AGGF1: variants seen among roughly 807,000 people sequenced by gnomAD.
The protein encoded by AGGF1 is angiogenic factor with G patch and FHA domains 1.
Under a neutral mutation model 86.5 loss-of-function variants are expected in AGGF1, and 56 were observed. The ratio of observed to expected loss-of-function variants is 0.65; its 90% confidence interval spans 0.52 to 0.81. The LOEUF is 0.81. AGGF1 is among the 30% of genes least tolerant of loss of function. AGGF1 has a pLI of 0.00. For missense variants in AGGF1, 816 were observed against 850.9 expected (o/e 0.96, Z 0.51); for synonymous variants, 313 against 297.1 (o/e 1.05, Z -0.55).
intron 1 of AGGF1, among the ~76,000 whole-genome samples, chr5:77,033,573 C>T (rs1477301362): frequency 6.6e-6 from 1 of 152,180 alleles, no homozygotes; most frequent in African/African-American, 2.4e-5. Context: ...AGAGGAGCGC[C>T]TCAGATTTTT....
intron 7 of AGGF1, 69 bp downstream of exon 7, chr5:77,048,341 TTTTG>T (rs942908564): frequency 3.7e-5 from 48 of 1,304,178 alleles, no homozygotes; most frequent in Admixed American, 3.4e-4. Context: ...GAGCATGTAT[TTTTG>T]TTTGTTTGTT....
Position 77,030,473 on chromosome 5 carries a change from C to T in AGGF1, c.-294C>T, listed in dbSNP as rs567316180. The T allele has an allele frequency of 6.1e-4, 365 of 603,258 alleles. 2 individuals carry two copies. The highest frequency in any genetic ancestry group is 5.1e-3 in the African/African-American group (282 of 54,920). 37.4% of individuals were successfully genotyped at this position (603,258 alleles called of 1,614,324 possible). On this transcript the variant is annotated 5_prime_UTR_variant, in exon 1 of 14. Coordinates refer to ENST00000312916, the MANE Select transcript of AGGF1 (RefSeq NM_018046.5). Reference sequence around the variant, plus strand: ...GCCTCTGGTTTTCCGACTGCTTATCCGACGCTCCTCCCTCTGTCTCTGTAG... The same window carrying T: ...GCCTCTGGTTTTCCGACTGCTTATCTGACGCTCCTCCCTCTGTCTCTGTAG...
intron 4 of AGGF1, among the ~76,000 whole-genome samples, chr5:77,038,944 G>A (rs1345243204): frequency 6.6e-6 from 1 of 152,100 alleles, no homozygotes; most frequent in Admixed American, 6.5e-5. Flanking sequence ...TGATTAATTA[G>A]TGGAGACAGT....
chr5:77,053,843 A>G (rs1173195532), intron 9 of AGGF1, 122 bp from the exon 10 acceptor site: 12 of 1,016,834 alleles, frequency 1.2e-5, no homozygotes, highest in East Asian at 2.6e-5. Context: ...GTATGTGTCT[A>G]TTTCATTTAT....
intron 6 of AGGF1, among the ~76,000 whole-genome samples, chr5:77,047,856 TTAAAA>T (rs959728353): frequency 2.0e-5 from 3 of 151,134 alleles, no homozygotes; most frequent in African/African-American, 7.3e-5. Flanking sequence ...TTTTTATAAC[TTAAAA>T]TAATATAAAA....
At chr5:77,049,417 T>G (rs1747329922) in intron 8 of AGGF1, among the ~76,000 whole-genome samples, 1 of 152,192 alleles carries the variant, frequency 6.6e-6, no homozygotes, top group East Asian at 1.9e-4. Flanking sequence ...AAACTTCTCC[T>G]AATTGAGCAT....
In AGGF1 at chr5:77,064,244, G is replaced by A. The variant is rs1742744651; in HGVS notation, c.*992G>A. 3 of 152,524 alleles carry A rather than the reference G, an allele frequency of 2.0e-5. No homozygotes were observed. The highest frequency in any genetic ancestry group is 2.9e-5 in the Non-Finnish European group (2 of 68,040). The allele number at this position is 152,524 out of a possible 1,614,324, so 9.4% of individuals were successfully genotyped here. On this transcript the variant is annotated 3_prime_UTR_variant, in exon 14 of 14. Transcript: ENST00000312916. Reference sequence around the variant, plus strand: ...GCAGTGCGGCTTTCTGGGCACAGGTGTCACTGCTCTGCCACCTATCACTAT... The same window carrying A: ...GCAGTGCGGCTTTCTGGGCACAGGTATCACTGCTCTGCCACCTATCACTAT...
At chr5:77,039,373 G>A (rs1404181948) in intron 4 of AGGF1, among the ~76,000 whole-genome samples, 158 bp from the exon 5 acceptor site, 2 of 152,098 alleles carry the variant, frequency 1.3e-5, no homozygotes, top group Non-Finnish European at 1.5e-5. Context: ...TATTTTGGAA[G>A]ATTAAAGCAT....
Position 77,048,973 on chromosome 5 carries a change from G to C in AGGF1, c.1351G>C (p.Val451Leu), listed in dbSNP as rs1348001299. 1.2e-6 allele frequency: 2 copies of C among 1,613,630 alleles called. No individual in the cohort carries two copies. The highest frequency in any genetic ancestry group is 2.7e-5 in the African/African-American group (2 of 74,914). ...GGAACATACTCTCCGAATCCCTGAAGTTGGTGTCAGTAAGGTAAGCTCTTT... is the reference window on the plus strand; with the variant it reads ...GGAACATACTCTCCGAATCCCTGAACTTGGTGTCAGTAAGGTAAGCTCTTT... ...DMEHTLRIPE[V>L]GVSKFHAEIY... Residue 451 changes from valine to leucine, a missense_variant, in exon 8 of 14, where the codon GTT becomes CTT. By Grantham distance (32) the Val-to-Leu change is conservative. This residue lies in a region of AGGF1 where 565 missense variants were observed against 585.8 expected (regional missense o/e 0.96). Transcript: ENST00000312916.
At position 77,063,400 on chromosome 5, in the gene AGGF1, T is replaced by A; in HGVS notation, c.*148T>A. The stretch of plus-strand genomic sequence containing the variant: ...AGAAATGTGTATGGTTTGCAGCTTT[T>A]AAAAACCATTTTTTTAAAACTAATA... On this transcript the variant is annotated 3_prime_UTR_variant, in exon 14 of 14. Transcript: ENST00000312916. The A allele has an allele frequency of 1.1e-6, 1 of 883,010 alleles. No homozygotes were observed. The allele number at this position is 883,010 out of a possible 1,614,324, so 54.7% of individuals were successfully genotyped here.
intron 2 of AGGF1, 134 bp downstream of exon 2, chr5:77,034,654 T>A: frequency 1.4e-6 from 1 of 691,266 alleles, no homozygotes. Flanking sequence ...TCTCTCCATA[T>A]GATAATGGTA....
intron 4 of AGGF1, 128 bp downstream of exon 4, chr5:77,036,848 AT>A (rs1459001091): frequency 3.0e-6 from 3 of 994,628 alleles, no homozygotes; most frequent in Non-Finnish European, 4.6e-6. Context: ...AGTGATTCTT[AT>A]GTCTCAGCAT....
rs1450359635 is a variant in AGGF1 at position 77,064,860 on chromosome 5, A to G, written c.*1608A>G. On this transcript the variant is annotated 3_prime_UTR_variant, in exon 14 of 14. Transcript: ENST00000312916. ...GGGTTAGTATATGACTGTCTATAATATTTTCCATTTGTATTATTATATTGG... is the reference window on the plus strand; with the variant it reads ...GGGTTAGTATATGACTGTCTATAATGTTTTCCATTTGTATTATTATATTGG... 6.6e-6 allele frequency: 1 copy of G among 151,988 alleles called. No homozygotes were observed. The highest frequency in any genetic ancestry group is 1.5e-5 in the Non-Finnish European group (1 of 67,976). 9.4% of individuals were successfully genotyped at this position (151,988 alleles called of 1,614,324 possible). A position where few individuals can be genotyped will look rare whatever the true frequency, so the allele number is the denominator to read the frequency against.
Position 77,061,811 on chromosome 5 carries a change from T to C in AGGF1, c.1944+9T>C, listed in dbSNP as rs1167652366. The C allele has an allele frequency of 2.5e-6, 4 of 1,604,916 alleles. No individual in the cohort carries two copies. The highest frequency in any genetic ancestry group is 3.4e-6 in the Non-Finnish European group (4 of 1,171,926). On this transcript the variant is annotated intron_variant, in intron 13 of 13. Transcript: ENST00000312916. ...GAGGAATGAAAACGCCGGTAAGACT[T>C]GGATTTTCTTTTATTCATTTATTCC...
At chr5:77,036,823 C>T (rs1226458996) in intron 4 of AGGF1, 103 bp downstream of exon 4, 6 of 1,291,288 alleles carry the variant, frequency 4.6e-6, no homozygotes, top group Non-Finnish European at 6.6e-6. Context: ...CTGCAACTTT[C>T]ACCCCCCAGG....
chr5:77,042,344 T>C (rs1283144906), intron 5 of AGGF1, among the ~76,000 whole-genome samples: 2 of 136,510 alleles, frequency 1.5e-5, no homozygotes, highest in South Asian at 2.4e-4. Context: ...CCAGACGGGG[T>C]GGTGGCCGGG....
intron 11 of AGGF1, among the ~76,000 whole-genome samples, chr5:77,058,272 A>G (rs1000573437): frequency 6.6e-6 from 1 of 152,194 alleles, no homozygotes; most frequent in South Asian, 2.1e-4. Context: ...AAGGCAATTA[A>G]TTAATATTTC....
chr5:77,058,261 G>A (rs977528439), intron 11 of AGGF1, among the ~76,000 whole-genome samples: 3 of 152,082 alleles, frequency 2.0e-5, no homozygotes, highest in Admixed American at 6.5e-5. Context: ...AATAGACCAG[G>A]AAGGCAATTA....
chr5:77,043,124 G>C (rs1384382750), intron 5 of AGGF1, among the ~76,000 whole-genome samples: 3 of 48,452 alleles, frequency 6.2e-5, no homozygotes, highest in Non-Finnish European at 8.9e-5. Context: ...GCGGCTGGCC[G>C]GGCGGAGGGC....
Sources: allele counts gnomAD v4.1 joint callset (sites outside exome capture counted in the v4.1 genomes callset), GRCh38; gene constraint gnomAD v4.1.1; regional missense constraint gnomAD v4.1.1; transcripts MANE v1.5; gene names NCBI Gene and HGNC (gene_info 2026-07-23, HGNC 2026-07-21).